The following ABLIM1 variants were observed in gnomAD, a reference collection of about 807,000 sequenced individuals.
ABLIM1 encodes the protein actin-binding LIM protein 1.
A neutral mutation model predicts 107.0 loss-of-function variants in ABLIM1; 40 were observed. The ratio of observed to expected loss-of-function variants is 0.37; its 90% CI spans 0.29 to 0.49. ABLIM1 has a LOEUF of 0.49. Ranked by LOEUF, ABLIM1 falls within the 20% of genes least tolerant of loss-of-function variation. ABLIM1 has a pLI of 0.97. For synonymous variants in ABLIM1, 357 were observed against 357.3 expected, an observed-to-expected ratio of 1.00 and a Z score of 0.01; for missense variants, 857 against 1,008.5, an observed-to-expected ratio of 0.85 and a Z score of 2.04.
intron 12 of ABLIM1, among the ~76,000 whole-genome samples, chr10:114,459,557 CTT>C (rs11357358): frequency 5.6e-4 from 83 of 148,812 alleles, no homozygotes; most frequent in Middle Eastern, 3.4e-3. Context: ...CACCACATAT[CTT>C]TTTTTTTTTT....
intron 2 of ABLIM1, among the ~76,000 whole-genome samples, chr10:114,588,939 T>C (rs1288309239): frequency 1.3e-5 from 2 of 152,178 alleles, no homozygotes; most frequent in East Asian, 3.8e-4. Context: ...GAATATTTAA[T>C]TTATGTACCG....
chr10:114,675,573 T>C (rs891748968), intron 1 of ABLIM1, among the ~76,000 whole-genome samples: 1 of 152,224 alleles, frequency 6.6e-6, no homozygotes, highest in African/African-American at 2.4e-5. Flanking sequence ...GTCTCAGGTA[T>C]GTCCTTATAG....
intron 4 of ABLIM1, among the ~76,000 whole-genome samples, chr10:114,562,500 C>G (rs7091986): frequency 0.37 from 56,683 of 152,052 alleles, 13,904 homozygotes; most frequent in African/African-American, 0.7. Flanking sequence ...CTGCAGTCCA[C>G]CTTGGGCAAC....
chr10:114,687,234 C>A (rs1403814744), upstream of ABLIM1, among the ~76,000 whole-genome samples: 1 of 152,126 alleles, frequency 6.6e-6, no homozygotes, highest in Non-Finnish European at 1.5e-5. Flanking sequence ...AGATAAGAAG[C>A]ATTTCCTGAA....
At chr10:114,738,732 A>C (rs1332621334) in intron 1 of ABLIM1, among the ~76,000 whole-genome samples, 3 of 152,142 alleles carry the variant, frequency 2.0e-5, no homozygotes, top group Non-Finnish European at 4.4e-5. Context: ...TGGCAGCTTC[A>C]TTCATAAACT....
In ABLIM1 at chr10:114,637,759, G is replaced by C. The variant is rs191969562; in HGVS notation, c.244+20198C>G. Among the ~76,000 whole-genome samples, 371 of 152,312 alleles carry C rather than the reference G, an allele frequency of 2.4e-3. 3 individuals are homozygous for C. Among genetic ancestry groups the C allele is most frequent in the Admixed American group, 3.6e-3 (55 of 15,302 alleles). On this transcript the variant is annotated intron_variant, in intron 1 of 22. Transcript: ENST00000533213. ...GCAAAAGCTATTACTAGAATTCTAA[G>C]GATCTTGGGATAGTAAAGAGTTTCA...
rs148257022 is a variant in ABLIM1, at chr10:114,645,532, A to T, written c.244+12425T>A. On this transcript the variant is annotated intron_variant, in intron 1 of 22. Transcript: ENST00000533213. ...GATCCATATTTTTATGCTAAAAAAA[A>T]TTTTGTCTTGAGTCACTGATCACTT... Among the ~76,000 whole-genome samples the T allele has an allele frequency of 7.2e-3, 1,095 of 152,300 alleles. 13 individuals carry two copies. Among genetic ancestry groups the T allele is most frequent in the African/African-American group, 0.024 (1,010 of 41,564 alleles).
upstream of ABLIM1, among the ~76,000 whole-genome samples, chr10:114,772,124 C>T (rs557075834): frequency 2.0e-5 from 3 of 152,070 alleles, no homozygotes; most frequent in East Asian, 3.9e-4. Flanking sequence ...CTTTATAATA[C>T]CTACTATGTA....
chr10:114,646,971 T>A (rs935262190), intron 1 of ABLIM1, among the ~76,000 whole-genome samples: 6 of 152,208 alleles, frequency 3.9e-5, no homozygotes, highest in Non-Finnish European at 5.9e-5. Flanking sequence ...GACAGTTTTT[T>A]AAATTAATTA....
chr10:114,761,747 A>T (rs760060707), intron 1 of ABLIM1, among the ~76,000 whole-genome samples: 1 of 151,990 alleles, frequency 6.6e-6, no homozygotes, highest in Admixed American at 6.6e-5. Flanking sequence ...AAAATATGTC[A>T]TCTGGCAGCA....
the ABLIM1 span, among the ~76,000 whole-genome samples, chr10:114,787,393 G>A: frequency 6.6e-5 from 10 of 151,370 alleles, no homozygotes; most frequent in Non-Finnish European, 7.4e-5. Flanking sequence ...CACCCCGTCC[G>A]GGAGGGAGAT....
intron 1 of ABLIM1, among the ~76,000 whole-genome samples, chr10:114,762,189 C>G (rs187817200): frequency 1.8e-4 from 28 of 152,228 alleles, no homozygotes; most frequent in African/African-American, 5.5e-4. Context: ...CCCGCCACCA[C>G]GCCCAGCTAA....
At position 114,619,657 on chromosome 10, in the gene ABLIM1, GA is replaced by G. The variant is rs2140402394; in HGVS notation, c.245-17697del. Among the ~76,000 whole-genome samples the G allele has an allele frequency of 6.6e-6, 1 of 152,288 alleles. No homozygotes were observed. The highest frequency in any genetic ancestry group is 1.5e-5 in the Non-Finnish European group (1 of 68,026). On this transcript the variant is annotated intron_variant, in intron 1 of 22. Transcript: ENST00000533213. This position sits in a 1 kb window ranked among gnomAD's most constrained non-coding sequence, Gnocchi z 4.1. ...ATCTTGCTCCTCCCTCCCTGGCTGT[GA>G]TACAAAAGCAAGGAAACAAGGTAAG...
chr10:114,529,951 C>T (rs916811701), intron 6 of ABLIM1, among the ~76,000 whole-genome samples: 4 of 152,204 alleles, frequency 2.6e-5, no homozygotes, highest in African/African-American at 4.8e-5. Flanking sequence ...CCCTTGAACC[C>T]GGGAGGCAGA....
At chr10:114,680,880 C>A (rs2080717868) in intron 1 of ABLIM1, among the ~76,000 whole-genome samples, 2 of 152,202 alleles carry the variant, frequency 1.3e-5, no homozygotes, top group Non-Finnish European at 2.9e-5. Flanking sequence ...GTGCCTGCCA[C>A]CTGTTGAAAA....
intron 3 of ABLIM1, among the ~76,000 whole-genome samples, chr10:114,573,996 TA>T (rs2072091551): frequency 6.6e-6 from 1 of 152,192 alleles, no homozygotes; most frequent in South Asian, 2.1e-4. Context: ...AAAAATGAAA[TA>T]GAGAAATGAG....
intron 1 of ABLIM1, among the ~76,000 whole-genome samples, chr10:114,711,776 T>C (rs1305872126): frequency 6.6e-6 from 1 of 152,014 alleles, no homozygotes; most frequent in Non-Finnish European, 1.5e-5. Context: ...TGGCCTTTCA[T>C]AGACAGACAA....
chr10:114,621,953 C>T (rs1046367149), intron 1 of ABLIM1, among the ~76,000 whole-genome samples: 3 of 152,204 alleles, frequency 2.0e-5, no homozygotes, highest in Non-Finnish European at 4.4e-5. Flanking sequence ...GCATCCAATC[C>T]TTCTTTAGTG....
intron 8 of ABLIM1, among the ~76,000 whole-genome samples, chr10:114,486,022 T>C (rs1480267278): frequency 1.3e-5 from 2 of 152,218 alleles, no homozygotes; most frequent in East Asian, 3.9e-4. Context: ...AGCACTGTCC[T>C]GACCTCCCAC....
Sources: allele counts gnomAD v4.1 joint callset (sites outside exome capture counted in the v4.1 genomes callset), GRCh38; gene constraint gnomAD v4.1.1; non-coding constraint Gnocchi (gnomAD v3.1); transcripts MANE v1.5; gene names NCBI Gene and HGNC (gene_info 2026-07-23, HGNC 2026-07-21).